The following KCNK10 variants were observed in gnomAD, a reference collection of about 807,000 sequenced individuals.
The protein encoded by KCNK10 is potassium channel subfamily K member 10.
In KCNK10, 25 loss-of-function variants were observed where a neutral mutation model predicts 47.7. The observed-to-expected ratio is 0.52, with a 90% CI of 0.38 to 0.73. The LOEUF is 0.73. Ranked by LOEUF, KCNK10 falls within the 30% of genes least tolerant of loss-of-function variation. The pLI is 0.00. For synonymous variants in KCNK10, 303 were observed against 285.6 expected, an observed-to-expected ratio of 1.06 and a Z score of -0.61; for missense variants, 563 against 714.5, an observed-to-expected ratio of 0.79 and a Z score of 2.42.
intron 1 of KCNK10, among the ~76,000 whole-genome samples, chr14:88,309,758 C>T (rs1451587376): frequency 1.3e-5 from 2 of 152,174 alleles, no homozygotes; most frequent in African/African-American, 4.8e-5. Flanking sequence ...AGTCACTTCA[C>T]CAATCTAGAT....
chr14:88,252,831 G>A (rs1341991968), intron 2 of KCNK10, among the ~76,000 whole-genome samples: 1 of 152,186 alleles, frequency 6.6e-6, no homozygotes, highest in Non-Finnish European at 1.5e-5. Context: ...TACAGGAAGA[G>A]GACAGGAGAG....
At position 88,222,972 on chromosome 14, in the gene KCNK10, C is replaced by T. The variant is rs368047707; in HGVS notation, c.681+4403G>A. ...TGAGATAAGGGTTCAAATTCTTAACCCATTGTTAATGAGTGTTGGGAGTAT... is the reference window on the plus strand; with the variant it reads ...TGAGATAAGGGTTCAAATTCTTAACTCATTGTTAATGAGTGTTGGGAGTAT... On this transcript the variant is annotated intron_variant, in intron 4 of 6. Transcript: ENST00000319231. 3.3e-5 allele frequency among the ~76,000 whole-genome samples: 5 copies of T among 152,220 alleles called. No individual in the cohort carries two copies. The East Asian group carries it at 9.7e-4, about 29-fold the overall frequency.
chr14:88,314,324 C>T (rs1185391699), intron 1 of KCNK10, among the ~76,000 whole-genome samples: 1 of 152,156 alleles, frequency 6.6e-6, no homozygotes, highest in Admixed American at 6.5e-5. Flanking sequence ...CAAGAAGGCA[C>T]CATCTATGAG....
chr14:88,326,354 C>G (rs1360752189), upstream of KCNK10: 2 of 1,447,918 alleles, frequency 1.4e-6, no homozygotes, highest in African/African-American at 1.4e-5. Context: ...CTTTGGGCTA[C>G]TGCAATCCCC....
chr14:88,255,297 A>G (rs1008938620), intron 2 of KCNK10, among the ~76,000 whole-genome samples: 2 of 152,152 alleles, frequency 1.3e-5, no homozygotes, highest in Admixed American at 1.3e-4. Flanking sequence ...CTGGCTTCCC[A>G]GGGCTCAAAT....
intron 4 of KCNK10, among the ~76,000 whole-genome samples, chr14:88,197,852 A>C (rs1884968963): frequency 7.9e-6 from 1 of 126,516 alleles, no homozygotes; most frequent in African/African-American, 3.5e-5. Context: ...GGAAGGAAGG[A>C]GGGAAGGGAG....
At chr14:88,269,952 T>A (rs926656125) in intron 1 of KCNK10, among the ~76,000 whole-genome samples, 2 of 152,166 alleles carry the variant, frequency 1.3e-5, no homozygotes, top group Non-Finnish European at 1.5e-5. Flanking sequence ...TTCCAAGGGT[T>A]CAGAGTCTCT....
At chr14:88,325,759 T>C (rs1357166545), upstream of KCNK10, among the ~76,000 whole-genome samples, 1 of 152,202 alleles carries the variant, frequency 6.6e-6, no homozygotes, top group Admixed American at 6.5e-5. Flanking sequence ...TAGTTCACTG[T>C]CCAAGGCAAA....
At chr14:88,273,883 G>A (rs1470755114) in intron 1 of KCNK10, among the ~76,000 whole-genome samples, 2 of 152,120 alleles carry the variant, frequency 1.3e-5, no homozygotes, top group Admixed American at 6.5e-5. Flanking sequence ...CTCCTCTTGG[G>A]ATTAAAAGTA....
chr14:88,250,263 A>C (rs10483995), intron 2 of KCNK10, among the ~76,000 whole-genome samples: 25,900 of 152,204 alleles, frequency 0.17, 2,798 homozygotes, highest in East Asian at 0.39. Context: ...GGATAGAAAC[A>C]GTAATAATAA....
intron 3 of KCNK10, among the ~76,000 whole-genome samples, chr14:88,230,762 G>T (rs375321234): frequency 7.2e-5 from 11 of 152,220 alleles, no homozygotes; most frequent in African/African-American, 2.4e-4. Context: ...GGTGAATCTA[G>T]CTGGACTCCA....
At chr14:88,195,625 G>A (rs1884888156) in intron 4 of KCNK10, among the ~76,000 whole-genome samples, 1 of 152,188 alleles carries the variant, frequency 6.6e-6, no homozygotes, top group East Asian at 1.9e-4. Context: ...TGCCAACTCT[G>A]GTTTGAGCTC....
chr14:88,317,881 C>T (rs1276673609), intron 1 of KCNK10, among the ~76,000 whole-genome samples: 1 of 152,160 alleles, frequency 6.6e-6, no homozygotes, highest in Non-Finnish European at 1.5e-5. Context: ...AAAAATCCAC[C>T]TCCACTCCTA....
At chr14:88,312,268 T>G (rs567677839) in intron 1 of KCNK10, among the ~76,000 whole-genome samples, 1 of 152,256 alleles carries the variant, frequency 6.6e-6, no homozygotes, top group African/African-American at 2.4e-5. Context: ...TGCATCCTGC[T>G]TCCTGGAAAT....
intron 3 of KCNK10, chr14:88,235,014 G>T: frequency 2.3e-6 from 1 of 442,496 alleles, no homozygotes; most frequent in South Asian, 1.6e-5. Flanking sequence ...CTTCAAAAGA[G>T]ATGTCCCTGT....
At chr14:88,241,544 T>C (rs77637047) in intron 2 of KCNK10, among the ~76,000 whole-genome samples, 9,958 of 151,962 alleles carry the variant, frequency 0.066, 783 homozygotes, top group African/African-American at 0.19. Flanking sequence ...TAAGCTACAA[T>C]GACTCCTTGA....
chr14:88,275,142 G>T (rs948740865), intron 1 of KCNK10, among the ~76,000 whole-genome samples: 4 of 152,112 alleles, frequency 2.6e-5, no homozygotes, highest in Non-Finnish European at 5.9e-5. Context: ...CTGGGGTAGG[G>T]GCTGTTCAGT....
chr14:88,258,925 T>C (rs1175002795), intron 2 of KCNK10, among the ~76,000 whole-genome samples: 1 of 152,160 alleles, frequency 6.6e-6, no homozygotes, highest in African/African-American at 2.4e-5. Context: ...TTATTAATAA[T>C]ATGAAGCACA....
chr14:88,264,209 A>G (rs1453676959), intron 1 of KCNK10, among the ~76,000 whole-genome samples: 1 of 152,232 alleles, frequency 6.6e-6, no homozygotes, highest in Non-Finnish European at 1.5e-5. Context: ...TTCGAAGCAC[A>G]TAGAATTCTC....
Sources: allele counts gnomAD v4.1 joint callset (sites outside exome capture counted in the v4.1 genomes callset), GRCh38; gene constraint gnomAD v4.1.1; transcripts MANE v1.5; gene names NCBI Gene and HGNC (gene_info 2026-07-23, HGNC 2026-07-21).